ACTN4: variants seen among roughly 807,000 people sequenced by gnomAD.
The protein encoded by ACTN4 is actinin alpha 4.
A neutral mutation model predicts 114.2 loss-of-function variants in ACTN4; 18 were observed. That is an observed-to-expected ratio of 0.16 (90% CI 0.11 to 0.23). The LOEUF (loss-of-function observed/expected upper bound fraction) is 0.23, where lower values mean the gene tolerates loss of function less well. Ranked by LOEUF, ACTN4 falls within the 10% of genes least tolerant of loss-of-function variation. The pLI, the probability that ACTN4 is intolerant of heterozygous loss-of-function variation, is 1.00. For missense variants in ACTN4, 722 were observed against 1,262.9 expected, an observed-to-expected ratio of 0.57 and a Z score of 6.49; for synonymous variants, 515 against 506.3, an observed-to-expected ratio of 1.02 and a Z score of -0.23.
At position 38,724,180 on chromosome 19, in the gene ACTN4, G is replaced by A. The variant is rs999914810; in HGVS notation, c.1716G>A (p.Gln572=). ...AGGGCCTGATCTCAGCCCATGACCA[G>A]TTCAAGTCCACCCTGCCGGACGCCG... ...EIEGLISAHD[Q]FKSTLPDADR... The change falls in exon 15 of 21, where the codon CAG becomes CAA. Residue 572 remains glutamine, a synonymous_variant. Coordinates refer to ENST00000252699, the MANE Select transcript of ACTN4 (RefSeq NM_004924.6). The surrounding 1 kb of genome is among the most constrained non-coding windows in gnomAD (Gnocchi z 7.0). 6.2e-7 allele frequency: 1 copy of A among 1,613,900 alleles called. No homozygotes were observed. The highest frequency in any genetic ancestry group is 8.5e-7 in the Non-Finnish European group (1 of 1,180,032).
intron 1 of ACTN4, among the ~76,000 whole-genome samples, chr19:38,694,115 G>T (rs1377475885): frequency 6.6e-6 from 1 of 152,174 alleles, no homozygotes; most frequent in African/African-American, 2.4e-5. Flanking sequence ...GCTGGGTGCA[G>T]GCTGCCTTCA....
intron 1 of ACTN4, among the ~76,000 whole-genome samples, chr19:38,651,007 A>G (rs1976546153): frequency 6.6e-6 from 1 of 152,156 alleles, no homozygotes; most frequent in Non-Finnish European, 1.5e-5. Context: ...TGCTGGGATT[A>G]CAGGAGTGAG....
rs4801859 is a variant in ACTN4 at position 38,731,307 on chromosome 19, A to T, written c.*1875A>T. On this transcript the variant is annotated 3_prime_UTR_variant, in exon 21 of 21. Coordinates refer to ENST00000252699, the MANE Select transcript of ACTN4 (RefSeq NM_004924.6). ...TCCCCACCCCACCTCCTCAGGGAGGACATGAATGCCACAGGGTGTCACACC... is the reference window on the plus strand; with the variant it reads ...TCCCCACCCCACCTCCTCAGGGAGGTCATGAATGCCACAGGGTGTCACACC... The T allele has an allele frequency of 0.23, 234,778 of 1,034,664 alleles. 28,176 individuals are homozygous for T. Among genetic ancestry groups the T allele is most frequent in the Middle Eastern group, 0.36 (1,233 of 3,462 alleles). The allele number at this position is 1,034,664 out of a possible 1,614,324, so 64.1% of individuals were successfully genotyped here.
chr19:38,722,008 G>T (rs982256034), intron 12 of ACTN4: 3 of 442,918 alleles, frequency 6.8e-6, no homozygotes, highest in African/African-American at 6.0e-5. Context: ...AGTAGGCCCT[G>T]GTCCCCTGAT....
chr19:38,718,220 GT>G (rs1444379056), intron 11 of ACTN4, 146 bp downstream of exon 11: 7 of 1,361,806 alleles, frequency 5.1e-6, no homozygotes, highest in African/African-American at 1.4e-5. Context: ...GGGAGCATGT[GT>G]GTGTGTCAGA....
rs748261969 is a variant in ACTN4 at position 38,723,964 on chromosome 19, G to T, written c.1579G>T (p.Asp527Tyr). ...EKTEKQLEAI[D>Y]QLHLEYAKRA... ...AACAGAGAAGCAGCTGGAGGCCATC[G>T]ACCAGCTGCACCTGGAATACGCCAA... The change falls in exon 14 of 21, where the codon GAC becomes TAC. Residue 527 changes from aspartate to tyrosine, a missense_variant. Physicochemically the swap from Asp to Tyr is radical, Grantham distance 160 (BLOSUM62 -3). Transcript: ENST00000252699. 3.1e-6 allele frequency: 5 copies of T among 1,612,740 alleles called. No individual in the cohort carries two copies.
At chr19:38,714,263 TGGACCCA>T (rs1183105598) in intron 8 of ACTN4, among the ~76,000 whole-genome samples, 199 bp from the exon 9 acceptor site, 1 of 152,236 alleles carries the variant, frequency 6.6e-6, no homozygotes, top group African/African-American at 2.4e-5. Context: ...CTGGGCTTTC[TGGACCCA>T]GGGGCATTTT....
rs1306982194 is a variant in ACTN4, at chr19:38,682,783, C to A, written c.163-17817C>A. On this transcript the variant is annotated intron_variant, in intron 1 of 20. Coordinates refer to ENST00000252699, the MANE Select transcript of ACTN4 (RefSeq NM_004924.6). ...GCTCCTTCTGCTCCAGCCACACTCACCAGGCCCGAGTTCCCACCTAGCACC... is the reference window on the plus strand; with the variant it reads ...GCTCCTTCTGCTCCAGCCACACTCAACAGGCCCGAGTTCCCACCTAGCACC... Among the ~76,000 whole-genome samples the A allele has an allele frequency of 2.0e-5, 3 of 152,356 alleles. No individual in the cohort carries two copies. The East Asian group carries it at 5.8e-4, about 29-fold the overall frequency.
At chr19:38,713,306 A>G (rs1323148892) in intron 8 of ACTN4, among the ~76,000 whole-genome samples, 1 of 152,212 alleles carries the variant, frequency 6.6e-6, no homozygotes, top group African/African-American at 2.4e-5. Context: ...GCGGTGAAAC[A>G]TGATTCCCTT....
chr19:38,709,485 T>C lies in ACTN4; in HGVS notation c.733+9T>C. On this transcript the variant is annotated intron_variant, in intron 7 of 20. Coordinates refer to ENST00000252699, the MANE Select transcript of ACTN4 (RefSeq NM_004924.6). ...GATGCTGGATGCAGAGGGTAAGTCA[T>C]CTCTTCTGTTCAGCCACCACTGTGC... 1 of 1,610,816 alleles carries C rather than the reference T, an allele frequency of 6.2e-7. No individual in the cohort carries two copies. Among genetic ancestry groups the C allele is most frequent in the Non-Finnish European group, 8.5e-7 (1 of 1,176,970 alleles).
At chr19:38,708,541 C>T (rs1417576489) in intron 6 of ACTN4, among the ~76,000 whole-genome samples, 1 of 152,234 alleles carries the variant, frequency 6.6e-6, no homozygotes, top group African/African-American at 2.4e-5. Context: ...CAAGGAATTC[C>T]AAACCATCAC....
chr19:38,702,369 T>C lies in ACTN4; in HGVS notation c.397+1248T>C, dbSNP rs965520175. 2.7e-5 allele frequency among the ~76,000 whole-genome samples: 4 copies of C among 149,866 alleles called. No homozygotes were observed. In the East Asian group the frequency reaches 6.1e-4, roughly 23 times the overall value. ...AGAACCCCGCCCCACCCTGTCCCCC[T>C]GTCCTTCCACATGATTGGGCATTCG... On this transcript the variant is annotated intron_variant, in intron 3 of 20. Coordinates refer to ENST00000252699, the MANE Select transcript of ACTN4 (RefSeq NM_004924.6).
chr19:38,651,267 A>C (rs1976554196), intron 1 of ACTN4, among the ~76,000 whole-genome samples: 1 of 152,150 alleles, frequency 6.6e-6, no homozygotes, highest in Admixed American at 6.6e-5. Flanking sequence ...CGTGTGTCTC[A>C]CTTCTGCTTG....
chr19:38,712,839 G>A (rs1968704158), intron 8 of ACTN4, among the ~76,000 whole-genome samples: 3 of 152,160 alleles, frequency 2.0e-5, no homozygotes. Context: ...CTGTGCTTAG[G>A]GCTGAACTCC....
intron 1 of ACTN4, among the ~76,000 whole-genome samples, chr19:38,672,255 T>TG (rs1967152089): frequency 6.0e-5 from 9 of 150,226 alleles, no homozygotes; most frequent in Admixed American, 6.0e-4. Context: ...TTTTTTTTTT[T>TG]TTTGAGACGG....
chr19:38,696,460 G>A (rs1023618261), intron 1 of ACTN4, among the ~76,000 whole-genome samples: 2 of 152,132 alleles, frequency 1.3e-5, no homozygotes, highest in African/African-American at 4.8e-5. Context: ...ACCCCACGCA[G>A]CGTAGTCTAA....
At chr19:38,660,321 AT>A (rs1254804226) in intron 1 of ACTN4, among the ~76,000 whole-genome samples, 2 of 152,228 alleles carry the variant, frequency 1.3e-5, no homozygotes, top group African/African-American at 2.4e-5. Flanking sequence ...TGTGCAATAA[AT>A]TAAATAACAG....
Position 38,649,882 on chromosome 19 carries a change from C to T in ACTN4, c.162+1975C>T, listed in dbSNP as rs1054413124. Among the ~76,000 whole-genome samples the T allele has an allele frequency of 5.3e-5, 8 of 152,006 alleles. No homozygotes were observed. In the East Asian group the frequency reaches 1.2e-3, roughly 22 times the overall value. ...CCAGCGTTGCTTGAATTTCCTCATC[C>T]GTAGTAACTGAGGGGCATGGCAGTG... On this transcript the variant is annotated intron_variant, in intron 1 of 20. Transcript: ENST00000252699.
Position 38,709,466 on chromosome 19 carries a change from G to A in ACTN4, c.723G>A (p.Leu241=). The change falls in exon 7 of 21, where the codon CTG becomes CTA. Residue 241 remains leucine (L), a synonymous_variant. Transcript: ENST00000252699. The part of the protein sequence containing the change: ...AEKYLDIPKM[L]DAEDIVNTAR... ...AATACCTCGACATCCCCAAGATGCTGGATGCAGAGGGTAAGTCATCTCTTC... is the reference window on the plus strand; with the variant it reads ...AATACCTCGACATCCCCAAGATGCTAGATGCAGAGGGTAAGTCATCTCTTC... 4 of 1,613,602 alleles carry A rather than the reference G, an allele frequency of 2.5e-6. No individual in the cohort carries two copies. Among genetic ancestry groups the A allele is most frequent in the Non-Finnish European group, 3.4e-6 (4 of 1,179,470 alleles).
Sources: gnomAD v4.1 joint callset for allele counts (sites outside exome capture counted in the v4.1 genomes callset) on GRCh38, gnomAD v4.1.1 for gene constraint, Gnocchi (gnomAD v3.1) non-coding constraint, MANE v1.5 for transcripts, NCBI Gene and HGNC (gene_info 2026-07-23, HGNC 2026-07-21) for gene names.